The following SLC26A5 variants were observed in gnomAD, a reference collection of about 807,000 sequenced individuals.
SLC26A5 encodes the protein solute carrier family 26 member 5.
SLC26A5 carries 51 observed loss-of-function variants against 81.0 expected under a neutral mutation model. The ratio of observed to expected loss-of-function variants is 0.63; its 90% CI spans 0.50 to 0.80. The LOEUF (loss-of-function observed/expected upper bound fraction) is 0.80. Among genes scored for constraint, SLC26A5 ranks in the 30% least tolerant of loss-of-function variants. The probability of loss-of-function intolerance (pLI) is 0.00; values close to 1 mark genes in which losing one functional copy is unlikely to be tolerated. For missense variants in SLC26A5, 771 were observed against 905.8 expected (o/e 0.85, Z 1.91); for synonymous variants, 325 against 332.8 (o/e 0.98, Z 0.25).
At chr7:103,373,700 G>A (rs1821149819), downstream of SLC26A5, among the ~76,000 whole-genome samples, 1 of 152,306 alleles carries the variant, frequency 6.6e-6, no homozygotes, top group Admixed American at 6.5e-5. Flanking sequence ...GATCAAAAAT[G>A]TGCTGGAATG....
chr7:103,409,345 C>T (rs1442643571), intron 7 of SLC26A5, among the ~76,000 whole-genome samples: 1 of 152,208 alleles, frequency 6.6e-6, no homozygotes, highest in Admixed American at 6.5e-5. Flanking sequence ...TTAACAGCAT[C>T]TCAGAGGTTT....
intron 2 of SLC26A5, 99 bp from the exon 3 acceptor site, chr7:103,421,666 C>G: frequency 1.2e-6 from 1 of 802,470 alleles, no homozygotes. Context: ...TCTTCTGAGG[C>G]TTTCTTTGGA....
chr7:103,416,818 A>T (rs116101324), intron 4 of SLC26A5, among the ~76,000 whole-genome samples: 2,533 of 152,134 alleles, frequency 0.017, 65 homozygotes, highest in African/African-American at 0.058. Flanking sequence ...AGGGATTTTT[A>T]AGACAATTAG....
At chr7:103,438,759 A>C (rs969561671) in intron 2 of SLC26A5, among the ~76,000 whole-genome samples, 1 of 152,194 alleles carries the variant, frequency 6.6e-6, no homozygotes, top group African/African-American at 2.4e-5. Flanking sequence ...CATTATCTAG[A>C]AATTTCCCTT....
downstream of SLC26A5, chr7:103,369,443 A>G (rs1820899325): frequency 6.6e-6 from 1 of 152,236 alleles, no homozygotes; most frequent in South Asian, 2.1e-4. Context: ...ATATATACCA[A>G]TTAAAGACAA....
At chr7:103,356,294 T>C (rs1161303734) in intron 19 of SLC26A5, among the ~76,000 whole-genome samples, 1 of 152,044 alleles carries the variant, frequency 6.6e-6, no homozygotes, top group East Asian at 1.9e-4. Flanking sequence ...CAATTTCTGT[T>C]ACTATACACA....
chr7:103,383,842 C>A (rs994047797), intron 14 of SLC26A5, among the ~76,000 whole-genome samples: 8 of 151,968 alleles, frequency 5.3e-5, no homozygotes, highest in African/African-American at 1.7e-4. Flanking sequence ...ACCTTGCCAA[C>A]TAAAAAATTT....
At chr7:103,377,433 G>C (rs553030303) in intron 18 of SLC26A5, among the ~76,000 whole-genome samples, 166 bp downstream of exon 18, 7 of 152,198 alleles carry the variant, frequency 4.6e-5, no homozygotes, top group African/African-American at 1.4e-4. Context: ...GTTCACGGGG[G>C]TTCAATATAC....
chr7:103,407,567 A>G (rs1039091187), intron 8 of SLC26A5, among the ~76,000 whole-genome samples: 15 of 152,204 alleles, frequency 9.9e-5, no homozygotes, highest in African/African-American at 3.6e-4. Context: ...CAATTAGCCA[A>G]TAAAAATTTG....
chr7:103,386,242 A>G (rs1407492605), intron 14 of SLC26A5, among the ~76,000 whole-genome samples: 3 of 148,728 alleles, frequency 2.0e-5, no homozygotes, highest in Admixed American at 2.0e-4. Flanking sequence ...AAACTGGAGC[A>G]TTAAAAAAAA....
At position 103,379,240 on chromosome 7, in the gene SLC26A5, C is replaced by T. The variant is rs1255529897; in HGVS notation, c.1677+3G>A. 1.9e-6 allele frequency: 3 copies of T among 1,599,240 alleles called. No individual in the cohort carries two copies. Among genetic ancestry groups the T allele is most frequent in the African/African-American group, 1.3e-5 (1 of 74,560 alleles). ...CAGAAATAATCAATTTCTCATGACT[C>T]ACCTTTCGTTTTAATGCATTGCTAT... On this transcript the variant is annotated splice_donor_region_variant and intron_variant, in intron 16 of 19. Transcript: ENST00000306312.
chr7:103,362,506 C>T, intron 19 of SLC26A5: 1 of 1,415,366 alleles, frequency 7.1e-7, no homozygotes, highest in South Asian at 1.5e-5. Context: ...TTGTTTGCGA[C>T]ATTAGACATG....
intron 13 of SLC26A5, 71 bp from the exon 14 acceptor site, chr7:103,389,185 G>GCA (rs1267615013): frequency 1.1e-5 from 14 of 1,243,432 alleles, no homozygotes; most frequent in Non-Finnish European, 1.5e-5. Context: ...ACACAAGTGT[G>GCA]CACACACACA....
intron 5 of SLC26A5, among the ~76,000 whole-genome samples, chr7:103,412,458 C>T (rs935092865): frequency 6.6e-6 from 1 of 151,906 alleles, no homozygotes; most frequent in Admixed American, 6.6e-5. Context: ...TCAACAATTG[C>T]CCTTTTACAC....
rs1256039606 is a variant in SLC26A5 at position 103,377,592 on chromosome 7, T to G, written c.1986+7A>C. ...GTATTAAATGACTCGTTCAAGAGGA[T>G]GCTTACCCCTGCCAGAGTTTTCACT... On this transcript the variant is annotated splice_region_variant and intron_variant, in intron 18 of 19. Coordinates refer to ENST00000306312, the MANE Select transcript of SLC26A5 (RefSeq NM_198999.3). 1 of 1,613,602 alleles carries G rather than the reference T, an allele frequency of 6.2e-7. No individual in the cohort carries two copies. The highest frequency in any genetic ancestry group is 8.5e-7 in the Non-Finnish European group (1 of 1,179,684).
chr7:103,413,668 T>G (rs926052441), intron 4 of SLC26A5, among the ~76,000 whole-genome samples: 1 of 152,210 alleles, frequency 6.6e-6, no homozygotes, highest in Non-Finnish European at 1.5e-5. Context: ...CTCATTACCT[T>G]CCAGTTACTC....
At position 103,374,373 on chromosome 7, in the gene SLC26A5, A is replaced by G. The variant is rs1225301503; in HGVS notation, c.*26T>C. 2 of 1,611,804 alleles carry G rather than the reference A, an allele frequency of 1.2e-6. No individual in the cohort carries two copies. The highest frequency in any genetic ancestry group is 1.1e-5 in the South Asian group (1 of 90,950). ...TTATGAACTTCATGAGAGGCTTATA[A>G]CCCCATCCTAGGGTGAGGTCCTCAT... On this transcript the variant is annotated 3_prime_UTR_variant, in exon 20 of 20. Coordinates refer to ENST00000306312, the MANE Select transcript of SLC26A5 (RefSeq NM_198999.3).
At chr7:103,438,744 T>G (rs1440760321) in intron 2 of SLC26A5, among the ~76,000 whole-genome samples, 2 of 152,192 alleles carry the variant, frequency 1.3e-5, no homozygotes, top group Admixed American at 1.3e-4. Context: ...AGAAATAGAA[T>G]CTTTCATTAT....
At chr7:103,374,617 A>G in intron 19 of SLC26A5, 25 bp from the exon 20 acceptor site, 1 of 1,609,936 alleles carries the variant, frequency 6.2e-7, no homozygotes, top group Non-Finnish European at 8.5e-7. Context: ...AAAGAAAATT[A>G]GTCCACACTC....
Sources: gnomAD v4.1 joint callset for allele counts (sites outside exome capture counted in the v4.1 genomes callset) on GRCh38, gnomAD v4.1.1 for gene constraint, MANE v1.5 for transcripts, NCBI Gene and HGNC (gene_info 2026-07-23, HGNC 2026-07-21) for gene names.